The following NIPSNAP3A variants were observed in gnomAD, a reference collection of about 807,000 sequenced individuals.
NIPSNAP3A encodes the protein nipsnap homolog 3A.
In NIPSNAP3A, 27 loss-of-function variants were observed where a neutral mutation model predicts 32.3. The ratio of observed to expected loss-of-function variants is 0.84; its 90% CI spans 0.62 to 1.15. The LOEUF is 1.15. Ranked by LOEUF, NIPSNAP3A falls within the 50% of genes most tolerant of loss-of-function variation. NIPSNAP3A has a pLI of 0.00. For missense variants in NIPSNAP3A, 278 were observed against 297.2 expected (o/e 0.94, Z 0.48); for synonymous variants, 108 against 107.3 (o/e 1.01, Z -0.04).
chr9:104,756,814 C>CTTTT (rs34247948), intron 4 of NIPSNAP3A, among the ~76,000 whole-genome samples: 2 of 114,326 alleles, frequency 1.7e-5, no homozygotes, highest in Non-Finnish European at 1.8e-5. Flanking sequence ...TGTTAATATT[C>CTTTT]TTTTTTTTTT....
In NIPSNAP3A at chr9:104,759,332, G is replaced by C. The variant is rs755389906; in HGVS notation, c.738G>C (p.Leu246=). ...MLLIPTSFSP[L]K ...TGATTCCTACATCGTTTTCACCACT[G>C]AAATAGTTTTCTACTGAAATACAAA... The change falls in exon 6 of 6, where the codon CTG becomes CTC. Residue 246 remains leucine (L), a synonymous_variant. Coordinates refer to ENST00000374767, the MANE Select transcript of NIPSNAP3A (RefSeq NM_015469.3). 6.2e-7 allele frequency: 1 copy of C among 1,612,972 alleles called. No individual in the cohort carries two copies. Among genetic ancestry groups the C allele is most frequent in the East Asian group, 2.2e-5 (1 of 44,876 alleles).
At position 104,750,957 on chromosome 9, in the gene NIPSNAP3A, T is replaced by G; in HGVS notation, c.62T>G (p.Met21Arg). 6.2e-7 allele frequency: 1 copy of G among 1,608,508 alleles called. No individual in the cohort carries two copies. Among genetic ancestry groups the G allele is most frequent in the Non-Finnish European group, 8.5e-7 (1 of 1,174,854 alleles). The change falls in exon 2 of 6, where the codon ATG (methionine) becomes AGG (arginine). Residue 21 changes from methionine (M) to arginine (R), a missense_variant and splice_region_variant. Physicochemically the swap from Met to Arg is moderately conservative, Grantham distance 91 (BLOSUM62 -1). Transcript: ENST00000374767. ...ALASRTLAPQ[M>R]CSSFATGPRQ... ...TTACATTTGTCTTATCTTCTTCAGA[T>G]GTGCTCATCTTTTGCTACGGGACCC... is the stretch of plus-strand genomic sequence containing the variant.
intron 4 of NIPSNAP3A, among the ~76,000 whole-genome samples, chr9:104,755,085 G>T (rs189257683): frequency 1.7e-4 from 26 of 151,994 alleles, no homozygotes; most frequent in African/African-American, 5.5e-4. Context: ...AGTAAAAATA[G>T]AACAAATTAG....
chr9:104,751,261 G>A, intron 2 of NIPSNAP3A, 95 bp downstream of exon 2: 1 of 1,120,196 alleles, frequency 8.9e-7, no homozygotes, highest in Non-Finnish European at 1.4e-6. Context: ...TTAGTTCTTG[G>A]ATGTATATTA....
Position 104,759,177 on chromosome 9 carries a change from C to T in NIPSNAP3A, c.667+6C>T. 6.2e-7 allele frequency: 1 copy of T among 1,613,664 alleles called. No individual in the cohort carries two copies. The highest frequency in any genetic ancestry group is 8.5e-7 in the Non-Finnish European group (1 of 1,179,762). The stretch of plus-strand genomic sequence containing the variant: ...TCCCAGAGTTGTGGCAGCTGGTAAG[C>T]TGTTTGACTAGGCATGAATTATTTT... On this transcript the variant is annotated splice_donor_region_variant and intron_variant, in intron 5 of 5. Coordinates refer to ENST00000374767, the MANE Select transcript of NIPSNAP3A (RefSeq NM_015469.3).
At chr9:104,747,898 GGGGC>G in intron 1 of NIPSNAP3A, 46 bp downstream of exon 1, 1 of 50,446 alleles carries the variant, frequency 2.0e-5, no homozygotes, top group Non-Finnish European at 2.8e-5. Context: ...CGGGAGGGGA[GGGGC>G]GGGGCGGGGA....
rs1827933813 is a variant in NIPSNAP3A at position 104,758,727 on chromosome 9, A to G, written c.581-358A>G. On this transcript the variant is annotated intron_variant, in intron 4 of 5. Coordinates refer to ENST00000374767, the MANE Select transcript of NIPSNAP3A (RefSeq NM_015469.3). ...GTAATCTCAGCACTTTGGGAGGCTAAGGTGGGCGGATCACCTGAGGTCAGG... is the reference window on the plus strand; with the variant it reads ...GTAATCTCAGCACTTTGGGAGGCTAGGGTGGGCGGATCACCTGAGGTCAGG... 2.0e-5 allele frequency among the ~76,000 whole-genome samples: 3 copies of G among 151,782 alleles called. No individual in the cohort carries two copies. In the South Asian group the frequency reaches 6.2e-4, roughly 32 times the overall value.
chr9:104,758,688 G>C (rs1240922866), intron 4 of NIPSNAP3A, among the ~76,000 whole-genome samples: 1 of 151,680 alleles, frequency 6.6e-6, no homozygotes, highest in South Asian at 2.1e-4. Context: ...GGCCAAGCGC[G>C]GTGGCTCACG....
intron 1 of NIPSNAP3A, among the ~76,000 whole-genome samples, chr9:104,748,622 T>C (rs144880695): frequency 2.6e-5 from 4 of 152,332 alleles, no homozygotes; most frequent in Non-Finnish European, 5.9e-5. Flanking sequence ...TTTAGGACTT[T>C]ACTCCTTTCT....
intron 1 of NIPSNAP3A, among the ~76,000 whole-genome samples, chr9:104,750,533 G>A (rs1827835515): frequency 6.6e-6 from 1 of 151,982 alleles, no homozygotes; most frequent in Non-Finnish European, 1.5e-5. Context: ...ATTTACATAG[G>A]GTGTACACAG....
chr9:104,747,787 CGCGCCATGCTCGTCCTCAGAA>C lies in NIPSNAP3A; in HGVS notation c.1_21del (p.MetLeuValLeuArgSerAla1_?7). On this transcript the variant is annotated start_lost and 5_prime_UTR_variant, in exon 1 of 6. Transcript: ENST00000374767. ...TGGCTGCTTTTCTCAGCGCCGAAGC[CGCGCCATGCTCGTCCTCAGAA>C]GCGCCCTGACTCGGGCGCTGGCCTC... The C allele has an allele frequency of 6.2e-7, 1 of 1,607,488 alleles. No individual in the cohort carries two copies. Among genetic ancestry groups the C allele is most frequent in the Admixed American group, 1.7e-5 (1 of 59,362 alleles).
chr9:104,758,134 A>T (rs1827927064), intron 4 of NIPSNAP3A, among the ~76,000 whole-genome samples: 1 of 152,182 alleles, frequency 6.6e-6, no homozygotes, highest in Non-Finnish European at 1.5e-5. Flanking sequence ...TAGTCTAAAT[A>T]GTCAACAATA....
At chr9:104,748,909 G>A (rs1827813164) in intron 1 of NIPSNAP3A, among the ~76,000 whole-genome samples, 1 of 152,190 alleles carries the variant, frequency 6.6e-6, no homozygotes, top group Non-Finnish European at 1.5e-5. Flanking sequence ...GACGACTCAT[G>A]ATTTCTGCCC....
intron 2 of NIPSNAP3A, 75 bp from the exon 3 acceptor site, chr9:104,752,831 G>A (rs1827861596): frequency 3.2e-6 from 4 of 1,263,994 alleles, no homozygotes; most frequent in African/African-American, 1.5e-5. Context: ...CATTGCTGAT[G>A]TGAATGAAAC....
intron 4 of NIPSNAP3A, among the ~76,000 whole-genome samples, chr9:104,757,693 G>C (rs906918627): frequency 6.6e-6 from 1 of 151,948 alleles, no homozygotes; most frequent in Non-Finnish European, 1.5e-5. Flanking sequence ...ACGTCATATC[G>C]TGTATTTACA....
chr9:104,757,401 A>G (rs1316860090), intron 4 of NIPSNAP3A, among the ~76,000 whole-genome samples: 1 of 152,166 alleles, frequency 6.6e-6, no homozygotes, highest in Non-Finnish European at 1.5e-5. Flanking sequence ...AGTAAACCTC[A>G]CCATACCTTA....
At chr9:104,757,945 G>A (rs934372482) in intron 4 of NIPSNAP3A, among the ~76,000 whole-genome samples, 3 of 151,774 alleles carry the variant, frequency 2.0e-5, no homozygotes, top group Non-Finnish European at 4.4e-5. Context: ...CACAAATATA[G>A]AAAGAGATAC....
intron 4 of NIPSNAP3A, among the ~76,000 whole-genome samples, chr9:104,758,020 A>G (rs1008146836): frequency 2.0e-5 from 3 of 152,176 alleles, no homozygotes; most frequent in African/African-American, 7.2e-5. Flanking sequence ...GCATTTTCCT[A>G]TACATCTAAC....
chr9:104,754,436 T>C, intron 3 of NIPSNAP3A, 115 bp from the exon 4 acceptor site: 1 of 803,612 alleles, frequency 1.2e-6, no homozygotes, highest in East Asian at 2.6e-5. Context: ...ATAATATGTA[T>C]GCATGTCTGA....
Sources: allele counts gnomAD v4.1 joint callset (sites outside exome capture counted in the v4.1 genomes callset), GRCh38; gene constraint gnomAD v4.1.1; transcripts MANE v1.5; gene names NCBI Gene and HGNC (gene_info 2026-07-23, HGNC 2026-07-21).